The following CPSF3 variants were observed in gnomAD, a reference collection of about 807,000 sequenced individuals.
CPSF3 encodes cleavage and polyadenylation specificity factor subunit 3.
Under a neutral mutation model 84.1 loss-of-function variants are expected in CPSF3, and 57 were observed. That is an observed-to-expected ratio of 0.68 (90% CI 0.55 to 0.85). The LOEUF is 0.85. CPSF3 is among the 40% of genes least tolerant of loss of function. CPSF3 has a pLI of 0.00. For missense variants in CPSF3, 522 were observed against 838.8 expected (o/e 0.62, Z 4.66); for synonymous variants, 275 against 278.1 (o/e 0.99, Z 0.11).
At chr2:9,455,285 G>A (rs373789105) in intron 12 of CPSF3, among the ~76,000 whole-genome samples, 116 of 152,154 alleles carry the variant, frequency 7.6e-4, no homozygotes, top group African/African-American at 2.7e-3. Context: ...ACAGGCATGC[G>A]CTACCACGCC....
At chr2:9,425,985 G>A (rs1300191614) in intron 1 of CPSF3, among the ~76,000 whole-genome samples, 3 of 152,172 alleles carry the variant, frequency 2.0e-5, no homozygotes, top group Admixed American at 2.0e-4. Flanking sequence ...GACATTTCAT[G>A]TAAGTGTGAT....
At chr2:9,441,354 A>G (rs1394111597) in intron 8 of CPSF3, among the ~76,000 whole-genome samples, 2 of 152,396 alleles carry the variant, frequency 1.3e-5, no homozygotes, top group East Asian at 3.8e-4. Flanking sequence ...TTAACTGCTT[A>G]AGGATTGTAG....
At chr2:9,438,214 C>A (rs1558453066) in intron 7 of CPSF3, among the ~76,000 whole-genome samples, 1 of 152,192 alleles carries the variant, frequency 6.6e-6, no homozygotes, top group Non-Finnish European at 1.5e-5. Context: ...GATAGGACTT[C>A]TAGAAGCTGA....
At chr2:9,462,780 A>G (rs1041059857) in intron 15 of CPSF3, among the ~76,000 whole-genome samples, 5 of 152,256 alleles carry the variant, frequency 3.3e-5, no homozygotes, top group African/African-American at 1.2e-4. Context: ...TGCTAATAAT[A>G]AAAACATTCC....
At chr2:9,445,487 G>A (rs568278878) in intron 10 of CPSF3, among the ~76,000 whole-genome samples, 1 of 152,084 alleles carries the variant, frequency 6.6e-6, no homozygotes, top group African/African-American at 2.4e-5. Flanking sequence ...GTTCGTTTTT[G>A]AGTTTTTTCT....
chr2:9,447,578 A>G (rs1681168622), intron 10 of CPSF3, among the ~76,000 whole-genome samples: 1 of 152,072 alleles, frequency 6.6e-6, no homozygotes, highest in South Asian at 2.1e-4. Context: ...GTTCGAGACC[A>G]GCCTGACCAA....
Position 9,455,770 on chromosome 2 carries a change from A to G in CPSF3, c.1603+13A>G, listed in dbSNP as rs776829767. On this transcript the variant is annotated intron_variant, in intron 13 of 17. Transcript: ENST00000238112. ...CAGAAATTGACAGGTGTGTGTGTGT[A>G]CTGAAATTCATTTCATTGTTTTCTG... 4 of 1,547,304 alleles carry G rather than the reference A, an allele frequency of 2.6e-6. No individual in the cohort carries two copies. Among genetic ancestry groups the G allele is most frequent in the African/African-American group, 2.7e-5 (2 of 73,340 alleles).
chr2:9,445,177 C>T (rs1401731443), intron 10 of CPSF3, among the ~76,000 whole-genome samples: 1 of 152,120 alleles, frequency 6.6e-6, no homozygotes, highest in Non-Finnish European at 1.5e-5. Context: ...TTCCGCCAAC[C>T]CTGGTAATCT....
intron 15 of CPSF3, among the ~76,000 whole-genome samples, chr2:9,465,568 C>T (rs1052928769): frequency 5.3e-4 from 74 of 139,416 alleles, no homozygotes; most frequent in Middle Eastern, 3.9e-3. Context: ...CACACACGCG[C>T]GCGCGTTTAT....
chr2:9,438,569 G>A (rs377330555), intron 7 of CPSF3, among the ~76,000 whole-genome samples: 3 of 145,812 alleles, frequency 2.1e-5, no homozygotes, highest in South Asian at 2.2e-4. Context: ...GCGCTATCTC[G>A]GCTTGGCGCG....
intron 15 of CPSF3, among the ~76,000 whole-genome samples, chr2:9,461,920 C>T (rs1385661859): frequency 6.6e-6 from 1 of 151,876 alleles, no homozygotes; most frequent in African/African-American, 2.4e-5. Flanking sequence ...TGCCACCATG[C>T]CCGGCTAATT....
At chr2:9,428,920 C>T (rs1680484637) in intron 2 of CPSF3, 92 bp downstream of exon 2, 1 of 756,188 alleles carries the variant, frequency 1.3e-6, no homozygotes, top group Non-Finnish European at 2.3e-6. Flanking sequence ...TTTTTAGCTC[C>T]CAGAAAAATG....
chr2:9,443,620 C>G lies in CPSF3; in HGVS notation c.1201C>G (p.Gln401Glu), dbSNP rs753271878. Reference sequence around the variant, plus strand: ...TTTCTCAGCTCACACGGATTACCAGCAAACCAGTGAATTTATTCGTGCTTT... The same window carrying G: ...TTTCTCAGCTCACACGGATTACCAGGAAACCAGTGAATTTATTCGTGCTTT... Reference protein sequence around the residue: ...ISFSAHTDYQQTSEFIRALKP... With the variant: ...ISFSAHTDYQETSEFIRALKP... The change falls in exon 10 of 18, where the codon CAA becomes GAA. Residue 401 changes from glutamine (Q) to glutamate (E), a missense_variant. By Grantham distance (29) the Gln-to-Glu change is conservative. Coordinates refer to ENST00000238112, the MANE Select transcript of CPSF3 (RefSeq NM_016207.4). The G allele has an allele frequency of 1.2e-6, 2 of 1,614,152 alleles. No homozygotes were observed. Among genetic ancestry groups the G allele is most frequent in the Non-Finnish European group, 1.7e-6 (2 of 1,180,034 alleles).
chr2:9,467,922 G>C, intron 16 of CPSF3, 146 bp downstream of exon 16: 1 of 633,566 alleles, frequency 1.6e-6, no homozygotes, highest in Non-Finnish European at 2.7e-6. Flanking sequence ...TGTTAGGAAA[G>C]AGAGGGGCTG....
chr2:9,433,034 C>T (rs1680650701), intron 5 of CPSF3, among the ~76,000 whole-genome samples: 1 of 152,176 alleles, frequency 6.6e-6, no homozygotes, highest in Non-Finnish European at 1.5e-5. Context: ...AAAATTAAAA[C>T]ACAATTTGAT....
intron 3 of CPSF3, 30 bp from the exon 4 acceptor site, chr2:9,430,722 A>C (rs1198964357): frequency 6.3e-7 from 1 of 1,586,508 alleles, no homozygotes; most frequent in East Asian, 2.2e-5. Context: ...TAATAATTTT[A>C]AGAATTAATG....
At chr2:9,440,288 C>A (rs1447115551) in intron 7 of CPSF3, among the ~76,000 whole-genome samples, 1 of 152,164 alleles carries the variant, frequency 6.6e-6, no homozygotes, top group East Asian at 1.9e-4. Context: ...TTAGGTCATG[C>A]ACTATTTAGA....
intron 15 of CPSF3, among the ~76,000 whole-genome samples, chr2:9,467,373 T>C (rs1263460700): frequency 6.6e-6 from 1 of 152,176 alleles, no homozygotes; most frequent in Non-Finnish European, 1.5e-5. Flanking sequence ...CCCGTGGTCA[T>C]AAATGTAAAG....
At chr2:9,437,677 G>A (rs1173588089) in intron 7 of CPSF3, among the ~76,000 whole-genome samples, 1 of 152,126 alleles carries the variant, frequency 6.6e-6, no homozygotes, top group South Asian at 2.1e-4. Flanking sequence ...GTTGGGAAGA[G>A]CACTCTTATT....
Sources: allele counts gnomAD v4.1 joint callset (sites outside exome capture counted in the v4.1 genomes callset), GRCh38; gene constraint gnomAD v4.1.1; transcripts MANE v1.5; gene names NCBI Gene and HGNC (gene_info 2026-07-23, HGNC 2026-07-21).